Variants in IST1 observed in about 807,000 individuals in gnomAD.
The protein encoded by IST1 is IST1 factor associated with ESCRT-III.
A neutral mutation model predicts 37.0 loss-of-function variants in IST1; 23 were observed. The observed-to-expected ratio is 0.62, with a 90% CI of 0.45 to 0.88. The LOEUF (loss-of-function observed/expected upper bound fraction) is 0.88, where lower values mean the gene tolerates loss of function less well. Among genes scored for constraint, IST1 ranks in the 40% least tolerant of loss-of-function variants. The probability of loss-of-function intolerance (pLI) is 0.00; values close to 1 mark genes in which losing one functional copy is unlikely to be tolerated. For synonymous variants in IST1, 180 were observed against 161.7 expected (o/e 1.11, Z -0.86); for missense variants, 488 against 445.4 (o/e 1.10, Z -0.86).
At position 71,927,914 on chromosome 16, in the gene IST1, G is replaced by T. The variant is rs543632106; in HGVS notation, c.*101G>T. ...TGAAATTCTGTTTCATCTGTTAACC[G>T]TCACTCAGCACAACACTCCCTCTGG... is the stretch of plus-strand genomic sequence containing the variant. On this transcript the variant is annotated 3_prime_UTR_variant, in exon 10 of 10. Coordinates refer to ENST00000378799, the MANE Select transcript of IST1 (RefSeq NM_001270975.2). 3 of 843,348 alleles carry T rather than the reference G, an allele frequency of 3.6e-6. No homozygotes were observed. Among genetic ancestry groups the T allele is most frequent in the Admixed American group, 1.9e-5 (1 of 52,776 alleles). 52.2% of individuals were successfully genotyped at this position (843,348 alleles called of 1,614,324 possible).
rs144307675 is a variant in IST1, at chr16:71,921,400, A to G, written c.499A>G (p.Ile167Val). 1.2e-6 allele frequency: 2 copies of G among 1,613,828 alleles called. No individual in the cohort carries two copies. Among genetic ancestry groups the G allele is most frequent in the African/African-American group, 2.7e-5 (2 of 74,932 alleles). Residue 167 changes from isoleucine (I) to valine (V), a missense_variant, in exon 6 of 10, where the codon ATT becomes GTT. Physicochemically the swap from Ile to Val is conservative, Grantham distance 29. Around this residue, in one of 2 missense-constraint regions of IST1, gnomAD observed 455 missense variants for 386.2 expected, o/e 1.18. Coordinates refer to ENST00000378799, the MANE Select transcript of IST1 (RefSeq NM_001270975.2). ...PPKILVERYL[I>V]EIAKNYNVPY... is the part of the protein sequence containing the mutation. The stretch of plus-strand genomic sequence containing the variant: ...CAAAATCCTGGTGGAGAGATACCTG[A>G]TTGAAATTGCAAAGAATTACAACGT...
Position 71,929,688 on chromosome 16 carries a change from G to GAAGAC in IST1, c.*1878_*1882dup. The GAAGAC allele has an allele frequency of 6.6e-7, 1 of 1,526,228 alleles. No homozygotes were observed. The highest frequency in any genetic ancestry group is 8.8e-7 in the Non-Finnish European group (1 of 1,137,608). The allele number at this position is 1,526,228 out of a possible 1,614,324, so 94.5% of individuals were successfully genotyped here. A position where few individuals can be genotyped will look rare whatever the true frequency, so the allele number is the denominator to read the frequency against. On this transcript the variant is annotated 3_prime_UTR_variant, in exon 10 of 10. Coordinates refer to ENST00000378799, the MANE Select transcript of IST1 (RefSeq NM_001270975.2). Reference sequence around the variant, plus strand: ...TTAGTGCAGCTTCTTTCTGAGTATTGAAGACAAAAAGAGAAAAGTGAGAAA... The same window carrying GAAGAC: ...TTAGTGCAGCTTCTTTCTGAGTATTGAAGACAAGACAAAAAGAGAAAAGTGAGAAA...
At chr16:71,902,396 A>T (rs1203900446) in intron 1 of IST1, among the ~76,000 whole-genome samples, 1 of 152,036 alleles carries the variant, frequency 6.6e-6, no homozygotes, top group East Asian at 1.9e-4. Context: ...CAGCCTCCCG[A>T]GTAGCTGGGA....
At chr16:71,907,604 T>C (rs866988620) in intron 1 of IST1, among the ~76,000 whole-genome samples, 17 of 152,038 alleles carry the variant, frequency 1.1e-4, no homozygotes, top group African/African-American at 3.6e-4. Context: ...GACCCAACTG[T>C]CATTAAGACA....
At chr16:71,916,414 A>G in intron 2 of IST1, 48 bp from the exon 3 acceptor site, 8 of 1,588,444 alleles carry the variant, frequency 5.0e-6, no homozygotes, top group Non-Finnish European at 6.9e-6. Flanking sequence ...TGTAGGCCAG[A>G]TGCAAGTGCT....
rs1305483876 is a variant in IST1, at chr16:71,908,233, C to T, written c.-15-7393C>T. Among the ~76,000 whole-genome samples, 9 of 150,714 alleles carry T rather than the reference C, an allele frequency of 6.0e-5. No individual in the cohort carries two copies. In the East Asian group the frequency reaches 1.4e-3, roughly 23 times the overall value. ...CTGGGATTAGAGGCGTGAGCCACTG[C>T]GCCTGGCCTGTCTTTACTTTTTAAT... On this transcript the variant is annotated intron_variant, in intron 1 of 9. Coordinates refer to ENST00000378799, the MANE Select transcript of IST1 (RefSeq NM_001270975.2).
intron 8 of IST1, 123 bp from the exon 9 acceptor site, chr16:71,924,646 C>T (rs933068849): frequency 8.0e-6 from 6 of 751,958 alleles, no homozygotes; most frequent in Non-Finnish European, 1.2e-5. Context: ...GGGGCAGTTT[C>T]TTTGGAACAG....
chr16:71,906,754 T>C (rs563759440), intron 1 of IST1, among the ~76,000 whole-genome samples: 48 of 152,316 alleles, frequency 3.2e-4, no homozygotes, highest in Admixed American at 1.3e-3. Flanking sequence ...TTCAGCACTT[T>C]AAAAACGTTG....
chr16:71,908,296 CTTTT>C lies in IST1; in HGVS notation c.-15-7311_-15-7308del, dbSNP rs59849119. On this transcript the variant is annotated intron_variant, in intron 1 of 9. Transcript: ENST00000378799. ...GAGAAATTTCCCTTACTCGTTGTAG[CTTTT>C]TTTTTTTTTTTTTTTTTTGGAGACA... is the stretch of plus-strand genomic sequence containing the variant. Among the ~76,000 whole-genome samples, 8 of 76,832 alleles carry C rather than the reference CTTTT, an allele frequency of 1.0e-4. No homozygotes were observed. The Admixed American group carries it at 1.1e-3, about 10-fold the overall frequency. The allele number at this position is 76,832 out of a possible 152,430, so 50.4% of individuals were successfully genotyped here.
chr16:71,898,022 G>C (rs951421952), intron 1 of IST1, among the ~76,000 whole-genome samples: 1 of 152,072 alleles, frequency 6.6e-6, no homozygotes, highest in Non-Finnish European at 1.5e-5. Context: ...AACAAGATAC[G>C]ATGAGAAGGA....
At position 71,929,679 on chromosome 16, in the gene IST1, C is replaced by A; in HGVS notation, c.*1866C>A. On this transcript the variant is annotated 3_prime_UTR_variant, in exon 10 of 10. Transcript: ENST00000378799. ...GTGTATCTATTAGTGCAGCTTCTTT[C>A]TGAGTATTGAAGACAAAAAGAGAAA... 6.5e-7 allele frequency: 1 copy of A among 1,541,176 alleles called. No individual in the cohort carries two copies. Among genetic ancestry groups the A allele is most frequent in the Non-Finnish European group, 8.7e-7 (1 of 1,143,488 alleles).
intron 1 of IST1, among the ~76,000 whole-genome samples, chr16:71,915,406 T>C (rs2037445887): frequency 6.6e-6 from 1 of 152,204 alleles, no homozygotes; most frequent in Admixed American, 6.5e-5. Context: ...ATGATAATAA[T>C]AGCCTTCCCA....
intron 4 of IST1, among the ~76,000 whole-genome samples, chr16:71,919,668 A>G (rs571102309): frequency 1.3e-5 from 2 of 152,328 alleles, no homozygotes; most frequent in African/African-American, 4.8e-5. Flanking sequence ...TTGGGATTAC[A>G]GGCATGAGCC....
intron 1 of IST1, among the ~76,000 whole-genome samples, chr16:71,912,824 C>A (rs923254000): frequency 2.0e-5 from 3 of 152,190 alleles, no homozygotes; most frequent in African/African-American, 7.2e-5. Flanking sequence ...ATTTTAGATA[C>A]CTCACAAAAG....
At chr16:71,896,584 C>T (rs541934969) in intron 1 of IST1, among the ~76,000 whole-genome samples, 1 of 152,222 alleles carries the variant, frequency 6.6e-6, no homozygotes, top group African/African-American at 2.4e-5. Flanking sequence ...CCTCTCCTTT[C>T]CCAGTAGAAG....
chr16:71,909,529 T>C (rs2037305388), intron 1 of IST1, among the ~76,000 whole-genome samples: 1 of 152,196 alleles, frequency 6.6e-6, no homozygotes. Context: ...GGAATGGAAT[T>C]GCTGTGTCTT....
chr16:71,896,209 C>T (rs550388199), intron 1 of IST1, among the ~76,000 whole-genome samples: 1 of 152,148 alleles, frequency 6.6e-6, no homozygotes, highest in South Asian at 2.1e-4. Context: ...GATCCTTGCG[C>T]CTCTCCTCTT....
intron 1 of IST1, 162 bp from the exon 2 acceptor site, chr16:71,915,464 A>G: frequency 1.9e-6 from 1 of 538,456 alleles, no homozygotes; most frequent in South Asian, 2.3e-5. Flanking sequence ...AGTTTTTTTT[A>G]CAACAGCCAA....
At chr16:71,894,893 AT>A (rs1457459515), upstream of IST1, 13 of 1,408,462 alleles carry the variant, frequency 9.2e-6, no homozygotes, top group Middle Eastern at 5.2e-4. Flanking sequence ...GAATACCGAG[AT>A]AAATTAGGGA....
Sources: allele counts gnomAD v4.1 joint callset (sites outside exome capture counted in the v4.1 genomes callset), GRCh38; gene constraint gnomAD v4.1.1; regional missense constraint gnomAD v4.1.1; transcripts MANE v1.5; gene names NCBI Gene and HGNC (gene_info 2026-07-23, HGNC 2026-07-21).